The following KLHL1 variants were observed in gnomAD, a reference collection of about 807,000 sequenced individuals.
KLHL1 encodes the protein kelch like family member 1, also known as kelch-like protein 1.
In KLHL1, 47 loss-of-function variants were observed where a neutral mutation model predicts 77.7. That is an observed-to-expected ratio of 0.60 (90% CI 0.48 to 0.77). The LOEUF is 0.77. Ranked by LOEUF, KLHL1 falls within the 30% of genes least tolerant of loss-of-function variation. The probability of loss-of-function intolerance (pLI) is 0.00; values close to 1 mark genes in which losing one functional copy is unlikely to be tolerated. For synonymous variants in KLHL1, 360 were observed against 325.2 expected (o/e 1.11, Z -1.15); for missense variants, 925 against 910.8 (o/e 1.02, Z -0.20).
chr13:69,795,209 G>T (rs894983764), intron 7 of KLHL1, among the ~76,000 whole-genome samples: 2 of 152,194 alleles, frequency 1.3e-5, no homozygotes, highest in African/African-American at 4.8e-5. Context: ...CAAGGGCATT[G>T]TCAGTCATCT....
rs950652988 is a variant in KLHL1, at chr13:70,093,574, T to A, written c.497+13629A>T. On this transcript the variant is annotated intron_variant, in intron 1 of 10. Transcript: ENST00000377844. ...ATGTCTTGAAATATCTTCCTAATCA[T>A]AAGAAAAATATATTTATAGAAATAT... 3.9e-5 allele frequency among the ~76,000 whole-genome samples: 6 copies of A among 152,238 alleles called. No homozygotes were observed. In the South Asian group the frequency reaches 8.3e-4, roughly 21 times the overall value.
chr13:70,099,683 A>G (rs299535), intron 1 of KLHL1, among the ~76,000 whole-genome samples: 151,265 of 152,114 alleles, frequency 0.99, 75,214 homozygotes, highest in East Asian at 1. Flanking sequence ...ACACCATACA[A>G]TAAGCTTTTT....
intron 7 of KLHL1, among the ~76,000 whole-genome samples, chr13:69,786,945 C>A (rs549108008): frequency 6.1e-4 from 93 of 152,260 alleles, no homozygotes; most frequent in Non-Finnish European, 1.1e-3. Context: ...ATCCAACTTA[C>A]AAGGGATGTG....
intron 1 of KLHL1, among the ~76,000 whole-genome samples, chr13:70,071,710 T>C (rs746260524): frequency 1.3e-5 from 2 of 152,146 alleles, no homozygotes; most frequent in African/African-American, 2.4e-5. Flanking sequence ...TTTGGAGTTA[T>C]TGGAGACTCC....
At chr13:69,788,085 TTGTGGAAGACAG>T in intron 7 of KLHL1, among the ~76,000 whole-genome samples, 1 of 152,224 alleles carries the variant, frequency 6.6e-6, no homozygotes, top group African/African-American at 2.4e-5. Flanking sequence ...AGTTCAACCA[TTGTGGAAGACAG>T]TGTGGCGATT....
At chr13:70,102,509 GGAAAAA>G (rs1887945897) in intron 1 of KLHL1, among the ~76,000 whole-genome samples, 1 of 151,910 alleles carries the variant, frequency 6.6e-6, no homozygotes, top group South Asian at 2.1e-4. Context: ...CTCCACCAAG[GGAAAAA>G]GAAAATTATT....
Position 69,979,175 on chromosome 13 carries a change from A to C in KLHL1, c.498-3373T>G, listed in dbSNP as rs966335308. The stretch of plus-strand genomic sequence containing the variant: ...AAAATTAGATAAGAGGCTCAAAAAA[A>C]AAATAAATAAGTTCCAGTTCTCTCC... On this transcript the variant is annotated intron_variant, in intron 1 of 10. Coordinates refer to ENST00000377844, the MANE Select transcript of KLHL1 (RefSeq NM_020866.3). Among the ~76,000 whole-genome samples the C allele has an allele frequency of 2.7e-3, 393 of 145,686 alleles. 1 individual carries two copies. The highest frequency in any genetic ancestry group is 8.4e-3 in the African/African-American group (347 of 41,214).
intron 7 of KLHL1, among the ~76,000 whole-genome samples, chr13:69,749,337 C>A (rs1874368990): frequency 6.6e-6 from 1 of 151,918 alleles, no homozygotes; most frequent in Non-Finnish European, 1.5e-5. Flanking sequence ...AAAGAAACAT[C>A]TAAAGTCATT....
At chr13:69,808,569 A>G (rs1877724139) in intron 6 of KLHL1, among the ~76,000 whole-genome samples, 1 of 152,160 alleles carries the variant, frequency 6.6e-6, no homozygotes, top group South Asian at 2.1e-4. Flanking sequence ...TCAAGAAGTC[A>G]CATCCAAATG....
At chr13:69,828,188 T>C (rs1026544067) in intron 6 of KLHL1, among the ~76,000 whole-genome samples, 1 of 149,698 alleles carries the variant, frequency 6.7e-6, no homozygotes, top group East Asian at 2.0e-4. Context: ...GCACACTCCA[T>C]GAACAGCTAG....
rs2501228 is a variant in KLHL1 at position 69,969,545 on chromosome 13, A to G, written c.680+6075T>C. 6.6e-3 allele frequency among the ~76,000 whole-genome samples: 1,004 copies of G among 152,266 alleles called. 14 individuals carry two copies. The highest frequency in any genetic ancestry group is 0.023 in the African/African-American group (958 of 41,574). ...ATAAAAAATATATCAACATAAAGTT[A>G]ACCAGCTTAATCTTATGCATAAAAC... On this transcript the variant is annotated intron_variant, in intron 2 of 10. Coordinates refer to ENST00000377844, the MANE Select transcript of KLHL1 (RefSeq NM_020866.3).
chr13:70,024,446 C>T (rs1010966801), intron 1 of KLHL1, among the ~76,000 whole-genome samples: 1 of 151,724 alleles, frequency 6.6e-6, no homozygotes, highest in Non-Finnish European at 1.5e-5. Flanking sequence ...AGGATAAAAT[C>T]GAGTGCTGTT....
At chr13:69,962,828 G>A (rs1004596224) in intron 2 of KLHL1, among the ~76,000 whole-genome samples, 3 of 151,924 alleles carry the variant, frequency 2.0e-5, no homozygotes, top group Non-Finnish European at 4.4e-5. Context: ...TTAATTTTGT[G>A]TAACAACTTT....
Position 70,021,524 on chromosome 13 carries a change from A to G in KLHL1, c.498-45722T>C, listed in dbSNP as rs563341191. Among the ~76,000 whole-genome samples, 10 of 152,204 alleles carry G rather than the reference A, an allele frequency of 6.6e-5. No homozygotes were observed. The East Asian group carries it at 1.5e-3, about 24-fold the overall frequency. On this transcript the variant is annotated intron_variant, in intron 1 of 10. Coordinates refer to ENST00000377844, the MANE Select transcript of KLHL1 (RefSeq NM_020866.3). ...AAATTTTCAGCTCCTTTGAGTAAAT[A>G]CCAGAAAGCATGATTGCTGAATCTC...
At chr13:69,751,452 A>T (rs1409091669) in intron 7 of KLHL1, among the ~76,000 whole-genome samples, 1 of 152,030 alleles carries the variant, frequency 6.6e-6, no homozygotes, top group Non-Finnish European at 1.5e-5. Flanking sequence ...CAAGGTGAAA[A>T]GTGATGACTG....
At chr13:70,063,677 A>C (rs1401777772) in intron 1 of KLHL1, among the ~76,000 whole-genome samples, 1 of 152,084 alleles carries the variant, frequency 6.6e-6, no homozygotes, top group Non-Finnish European at 1.5e-5. Context: ...CCAAGAAAGA[A>C]AGAAAAAAAT....
At chr13:69,924,469 A>G (rs1319375937) in intron 4 of KLHL1, among the ~76,000 whole-genome samples, 1 of 152,088 alleles carries the variant, frequency 6.6e-6, no homozygotes, top group Non-Finnish European at 1.5e-5. Flanking sequence ...CCAGGGTCTC[A>G]CCCCTTCTGA....
chr13:69,748,871 C>A (rs1171987263), intron 7 of KLHL1, among the ~76,000 whole-genome samples: 2 of 151,940 alleles, frequency 1.3e-5, no homozygotes, highest in Non-Finnish European at 2.9e-5. Context: ...TCATTACTCT[C>A]AAAACTTAAA....
chr13:69,934,309 C>T (rs923732068), intron 4 of KLHL1, among the ~76,000 whole-genome samples: 1 of 151,828 alleles, frequency 6.6e-6, no homozygotes, highest in Non-Finnish European at 1.5e-5. Context: ...TCTCAGTCTC[C>T]GAATATGTGG....
Sources: allele counts gnomAD v4.1 joint callset (sites outside exome capture counted in the v4.1 genomes callset), GRCh38; gene constraint gnomAD v4.1.1; transcripts MANE v1.5; gene names NCBI Gene and HGNC (gene_info 2026-07-23, HGNC 2026-07-21).